NRN1L: variants seen among roughly 807,000 people sequenced by gnomAD.
NRN1L encodes neuritin-like protein.
Under a neutral mutation model 8.8 loss-of-function variants are expected in NRN1L, and 12 were observed. The observed-to-expected ratio is 1.36, with a 90% CI of 0.87 to 2.20. The LOEUF (loss-of-function observed/expected upper bound fraction) is 2.20, where lower values mean the gene tolerates loss of function less well. Ranked by LOEUF, NRN1L falls within the 30% of genes most tolerant of loss-of-function variation. The pLI is 0.00. For synonymous variants in NRN1L, 114 were observed against 99.2 expected, an observed-to-expected ratio of 1.15 and a Z score of -0.88; for missense variants, 266 against 232.4, an observed-to-expected ratio of 1.14 and a Z score of -0.94.
Position 67,884,909 on chromosome 16 carries a change from GCGCTGCTGCCGC to G in NRN1L, c.10_21del (p.Cys4_Arg7del), listed in dbSNP as rs756608269. On this transcript the variant is annotated inframe_deletion, in exon 1 of 3. Transcript: ENST00000339176. This position sits in a 1 kb window ranked among gnomAD's most constrained non-coding sequence, Gnocchi z 4.1. The stretch of plus-strand genomic sequence containing the variant: ...CACTAGGCTCTCAGCCAGGGATGAT[GCGCTGCTGCCGC>G]CGCCGCTGCTGCTGCCGGCAACCAC... 29 of 1,604,846 alleles carry G rather than the reference GCGCTGCTGCCGC, an allele frequency of 1.8e-5. No homozygotes were observed. Among genetic ancestry groups the G allele is most frequent in the Non-Finnish European group, 2.5e-5 (29 of 1,179,730 alleles).
intron 1 of NRN1L, 131 bp from the exon 2 acceptor site, chr16:67,885,591 G>A (rs1217361096): frequency 7.3e-6 from 5 of 684,772 alleles, no homozygotes; most frequent in African/African-American, 3.7e-5. Context: ...TTAGTTCCCT[G>A]GGGCACCCTT....
rs566279328 is a variant in NRN1L at position 67,886,366 on chromosome 16, G to A, written c.*107G>A. On this transcript the variant is annotated 3_prime_UTR_variant, in exon 3 of 3. Coordinates refer to ENST00000339176, the MANE Select transcript of NRN1L (RefSeq NM_198443.2). ...CTTTTCATTAAAGGTATTTATATTT[G>A]TAGTAAGCTCCTTCCTTTCTCCTGG... 3 of 1,023,926 alleles carry A rather than the reference G, an allele frequency of 2.9e-6. No individual in the cohort carries two copies. The Admixed American group carries it at 8.8e-5, about 30-fold the overall frequency. 63.4% of individuals were successfully genotyped at this position (1,023,926 alleles called of 1,614,324 possible). A position where few individuals can be genotyped will look rare whatever the true frequency, so the allele number is the denominator to read the frequency against.
chr16:67,886,164 C>T lies in NRN1L; in HGVS notation c.403C>T (p.Leu135=). ...AGGCTCCGAAACCAACCAGGAGACG[C>T]TGCGGGCTACAGCGCCTGCACTCCC... ...GTGSETNQET[L]RATAPALPMA... is the part of the protein sequence containing the mutation. Residue 135 remains leucine (L), a synonymous_variant, in exon 3 of 3, where the codon CTG becomes TTG. Coordinates refer to ENST00000339176, the MANE Select transcript of NRN1L (RefSeq NM_198443.2). 6.2e-7 allele frequency: 1 copy of T among 1,608,066 alleles called. No homozygotes were observed.
chr16:67,885,693 TC>T (rs1264749881), intron 1 of NRN1L, 28 bp from the exon 2 acceptor site: 2 of 1,257,468 alleles, frequency 1.6e-6, no homozygotes, highest in African/African-American at 1.5e-5. Flanking sequence ...TACCATTCCT[TC>T]CCCACCCCAC....
In NRN1L at chr16:67,884,912, C is replaced by T. The variant is rs761125868; in HGVS notation, c.9C>T (p.Arg3=). Residue 3 remains arginine, a synonymous_variant, in exon 1 of 3, where the codon CGC becomes CGT. Transcript: ENST00000339176. This position sits in a 1 kb window ranked among gnomAD's most constrained non-coding sequence, Gnocchi z 4.1. MM[R]CCRRRCCCRQ... is the part of the protein sequence containing the mutation. ...TAGGCTCTCAGCCAGGGATGATGCG[C>T]TGCTGCCGCCGCCGCTGCTGCTGCC... 5 of 1,605,180 alleles carry T rather than the reference C, an allele frequency of 3.1e-6. No homozygotes were observed. In the Admixed American group the frequency reaches 8.3e-5, roughly 27 times the overall value.
rs1210153994 is a variant in NRN1L, at chr16:67,884,917, G to C, written c.14G>C (p.Cys5Ser). The part of the protein sequence containing the change: MMRC[C>S]RRRCCCRQPP... The stretch of plus-strand genomic sequence containing the variant: ...TCTCAGCCAGGGATGATGCGCTGCT[G>C]CCGCCGCCGCTGCTGCTGCCGGCAA... The change falls in exon 1 of 3, where the codon TGC becomes TCC. Residue 5 changes from cysteine to serine, a missense_variant. Transcript: ENST00000339176. This position sits in a 1 kb window ranked among gnomAD's most constrained non-coding sequence, Gnocchi z 4.1. The C allele has an allele frequency of 1.2e-6, 2 of 1,605,254 alleles. No homozygotes were observed. The highest frequency in any genetic ancestry group is 3.3e-5 in the Admixed American group (2 of 59,984).
intron 2 of NRN1L, 44 bp from the exon 3 acceptor site, chr16:67,885,930 T>G: frequency 6.3e-7 from 1 of 1,596,592 alleles, no homozygotes; most frequent in Non-Finnish European, 8.6e-7. Flanking sequence ...CAAGCTAAAG[T>G]CTCCTTGCCT....
At chr16:67,885,365 G>T in intron 1 of NRN1L, 1 of 474,838 alleles carries the variant, frequency 2.1e-6, no homozygotes, top group Non-Finnish European at 3.7e-6. Flanking sequence ...CTAAACCGCA[G>T]AGAGATGCAC....
chr16:67,885,744 A>T lies in NRN1L; in HGVS notation c.102A>T (p.Ala34=), dbSNP rs1406877618. ...TAGTCCTTTTACCTCCCCTGGCAGC[A>T]GCTGCAGCGGGCCCAAACCGATGTG... The part of the protein sequence containing the change: ...LPLVLLPPLA[A]AAAGPNRCDT... Residue 34 remains alanine, a synonymous_variant, in exon 2 of 3, where the codon GCA becomes GCT. Coordinates refer to ENST00000339176, the MANE Select transcript of NRN1L (RefSeq NM_198443.2). 7 of 1,392,154 alleles carry T rather than the reference A, an allele frequency of 5.0e-6. No homozygotes were observed. Among genetic ancestry groups the T allele is most frequent in the Non-Finnish European group, 6.7e-6 (7 of 1,041,968 alleles). 86.2% of individuals were successfully genotyped at this position (1,392,154 alleles called of 1,614,324 possible). A position where few individuals can be genotyped will look rare whatever the true frequency, so the allele number is the denominator to read the frequency against.
At chr16:67,887,772 C>T (rs60883887), downstream of NRN1L, among the ~76,000 whole-genome samples, 8,055 of 152,020 alleles carry the variant, frequency 0.053, 652 homozygotes, top group African/African-American at 0.18. Flanking sequence ...TTTTAGTAGA[C>T]GGGGTTTCAC....
downstream of NRN1L, among the ~76,000 whole-genome samples, chr16:67,886,834 C>T (rs2058098245): frequency 6.6e-6 from 1 of 152,204 alleles, no homozygotes; most frequent in Non-Finnish European, 1.5e-5. Flanking sequence ...TGCTCAGTCC[C>T]TTCCTCTGGT....
chr16:67,886,216 C>T lies in NRN1L; in HGVS notation c.455C>T (p.Ala152Val), dbSNP rs748843255. ...LPMAPAPPLL[A>V]AALALAYLLR... ...ATGGCCCCTGCGCCCCCACTGCTGG[C>T]GGCTGCTCTGGCTCTGGCCTACCTC... Residue 152 changes from alanine (A) to valine (V), a missense_variant, in exon 3 of 3, where the codon GCG (alanine) becomes GTG (valine). Ala to Val is a moderately conservative substitution (Grantham distance 64). Transcript: ENST00000339176. 40 of 1,599,978 alleles carry T rather than the reference C, an allele frequency of 2.5e-5. No homozygotes were observed. The East Asian group carries it at 6.9e-4, about 28-fold the overall frequency.
At chr16:67,885,578 C>T (rs2058092098) in intron 1 of NRN1L, 144 bp from the exon 2 acceptor site, 1 of 629,242 alleles carries the variant, frequency 1.6e-6, no homozygotes, top group African/African-American at 1.9e-5. Flanking sequence ...CCAGACTTGC[C>T]CTTTAGTTCC....
intron 1 of NRN1L, 55 bp downstream of exon 1, chr16:67,885,037 A>T: frequency 2.0e-6 from 3 of 1,479,134 alleles, no homozygotes; most frequent in Non-Finnish European, 1.9e-6. Context: ...CAGCCAAGCC[A>T]GGCTGGGCAT....
In NRN1L at chr16:67,886,024, C is replaced by G. The variant is rs781327123; in HGVS notation, c.263C>G (p.Pro88Arg). Residue 88 changes from proline (P) to arginine (R), a missense_variant, in exon 3 of 3, where the codon CCG becomes CGG. Coordinates refer to ENST00000339176, the MANE Select transcript of NRN1L (RefSeq NM_198443.2). ...GCCTCTCAGGTCCTGTCAGGCTGTCCGGAGGAGGCAGCTGCAGTGTGGGAA... is the reference window on the plus strand; with the variant it reads ...GCCTCTCAGGTCCTGTCAGGCTGTCGGGAGGAGGCAGCTGCAGTGTGGGAA... Reference protein sequence around the residue: ...ACASQVLSGCPEEAAAVWESL... With the variant: ...ACASQVLSGCREEAAAVWESL... The G allele has an allele frequency of 1.2e-6, 2 of 1,614,114 alleles. No individual in the cohort carries two copies. The highest frequency in any genetic ancestry group is 2.2e-5 in the East Asian group (1 of 44,886).
At position 67,886,263 on chromosome 16, in the gene NRN1L, G is replaced by T; in HGVS notation, c.*4G>T. Reference sequence around the variant, plus strand: ...CCTCCTGAGGCCTCTGGCCTAGCTTGTTGGGTTGGGTAGCAGCGCCCGTAC... The same window carrying T: ...CCTCCTGAGGCCTCTGGCCTAGCTTTTTGGGTTGGGTAGCAGCGCCCGTAC... On this transcript the variant is annotated 3_prime_UTR_variant, in exon 3 of 3. Coordinates refer to ENST00000339176, the MANE Select transcript of NRN1L (RefSeq NM_198443.2). 1.3e-6 allele frequency: 2 copies of T among 1,580,106 alleles called. No individual in the cohort carries two copies. The highest frequency in any genetic ancestry group is 1.7e-6 in the Non-Finnish European group (2 of 1,168,896).
chr16:67,886,769 ACCT>A (rs1175517962), downstream of NRN1L, among the ~76,000 whole-genome samples: 1 of 151,242 alleles, frequency 6.6e-6, no homozygotes, highest in African/African-American at 2.4e-5. Flanking sequence ...TGACCATTTC[ACCT>A]CCTCCTCTCT....
In NRN1L at chr16:67,885,821, T is replaced by C. The variant is rs754327699; in HGVS notation, c.179T>C (p.Met60Thr). 1 of 1,581,004 alleles carries C rather than the reference T, an allele frequency of 6.3e-7. No individual in the cohort carries two copies. The highest frequency in any genetic ancestry group is 1.2e-5 in the South Asian group (1 of 85,140). Residue 60 changes from methionine (M) to threonine (T), a missense_variant, in exon 2 of 3, where the codon ATG becomes ACG. Transcript: ENST00000339176. ...AECLIRLGDS[M>T]GRGGELETIC... is the part of the protein sequence containing the mutation. Reference sequence around the variant, plus strand: ...TGTCTCATCCGCTTGGGGGACAGCATGGGCCGCGGAGGCGAGCTGGAGACC... The same window carrying C: ...TGTCTCATCCGCTTGGGGGACAGCACGGGCCGCGGAGGCGAGCTGGAGACC...
Position 67,885,017 on chromosome 16 carries a change from C to G in NRN1L, c.79+35C>G, listed in dbSNP as rs777551027. 6 of 1,571,774 alleles carry G rather than the reference C, an allele frequency of 3.8e-6. No individual in the cohort carries two copies. The African/African-American group carries it at 5.4e-5, about 14-fold the overall frequency. On this transcript the variant is annotated intron_variant, in intron 1 of 2. Transcript: ENST00000339176. ...GGCATCCGGGGCCCGGGCCACACCC[C>G]CTTCTCGCCCAGCCAAGCCAGGCTG...
Sources: gnomAD v4.1 joint callset for allele counts (sites outside exome capture counted in the v4.1 genomes callset) on GRCh38, gnomAD v4.1.1 for gene constraint, Gnocchi (gnomAD v3.1) non-coding constraint, MANE v1.5 for transcripts, NCBI Gene and HGNC (gene_info 2026-07-23, HGNC 2026-07-21) for gene names.